CTNNA2: variants seen among roughly 807,000 people sequenced by gnomAD.
The protein encoded by CTNNA2 is catenin alpha 2, also known as catenin alpha-2.
CTNNA2 carries 42 observed loss-of-function variants against 101.0 expected under a neutral mutation model. That is an observed-to-expected ratio of 0.42 (90% CI 0.32 to 0.54). CTNNA2 has a LOEUF of 0.54. Ranked by LOEUF, CTNNA2 falls within the 20% of genes least tolerant of loss-of-function variation. CTNNA2 has a pLI of 0.14. For missense variants in CTNNA2, 871 were observed against 1,223.1 expected (o/e 0.71, Z 4.29); for synonymous variants, 450 against 456.4 (o/e 0.99, Z 0.18).
intron 7 of CTNNA2, among the ~76,000 whole-genome samples, chr2:80,177,385 A>C (rs148598455): frequency 6.6e-6 from 1 of 152,284 alleles, no homozygotes; most frequent in Non-Finnish European, 1.5e-5. Flanking sequence ...TAGTATACTC[A>C]ACCTGCCACC....
chr2:80,424,187 T>C (rs1680785939), intron 9 of CTNNA2, among the ~76,000 whole-genome samples: 1 of 152,038 alleles, frequency 6.6e-6, no homozygotes. Flanking sequence ...AACTCCTGAC[T>C]TTGTGATCTG....
intron 3 of CTNNA2, among the ~76,000 whole-genome samples, chr2:79,794,428 A>C (rs1675534882): frequency 6.6e-6 from 1 of 152,204 alleles, no homozygotes; most frequent in South Asian, 2.1e-4. Flanking sequence ...ACATATAAAA[A>C]GCTGTACATA....
intron 2 of CTNNA2, among the ~76,000 whole-genome samples, chr2:79,651,946 T>C (rs1681288026): frequency 6.6e-6 from 1 of 152,180 alleles, no homozygotes; most frequent in South Asian, 2.1e-4. Context: ...AAAGTCTAAA[T>C]AAACTATTCC....
intron 3 of CTNNA2, among the ~76,000 whole-genome samples, chr2:79,332,314 A>G (rs935620698): frequency 6.8e-6 from 1 of 147,052 alleles, no homozygotes; most frequent in African/African-American, 2.6e-5. Context: ...AAAAAAAAAA[A>G]AGACGATGGC....
At chr2:79,344,863 ATTATATT>A (rs1196682462) in intron 3 of CTNNA2, among the ~76,000 whole-genome samples, 78 of 144,918 alleles carry the variant, frequency 5.4e-4, no homozygotes, top group Admixed American at 1.4e-3. Flanking sequence ...TATATAATAT[ATTATATT>A]TATATATATA....
intron 4 of CTNNA2, among the ~76,000 whole-genome samples, chr2:79,382,418 C>G (rs1678049732): frequency 6.6e-6 from 1 of 151,978 alleles, no homozygotes; most frequent in South Asian, 2.1e-4. Context: ...GTGTATACAT[C>G]TTGTTTGTTC....
chr2:79,591,815 T>C (rs971016520), intron 1 of CTNNA2, among the ~76,000 whole-genome samples: 1 of 152,116 alleles, frequency 6.6e-6, no homozygotes, highest in African/African-American at 2.4e-5. Flanking sequence ...TTAATACATA[T>C]GTTCTCTTTT....
intron 15 of CTNNA2, among the ~76,000 whole-genome samples, chr2:80,589,905 T>TGTGTGCGC (rs1491383706): frequency 1.6e-4 from 18 of 114,498 alleles, no homozygotes; most frequent in African/African-American, 5.0e-4. Flanking sequence ...TGTGTGTGTG[T>TGTGTGCGC]GCGCGCGCGC....
intron 4 of CTNNA2, among the ~76,000 whole-genome samples, chr2:79,445,039 C>A (rs745653773): frequency 1.6e-4 from 24 of 152,232 alleles, no homozygotes; most frequent in Non-Finnish European, 2.9e-4. Context: ...AAGACATACA[C>A]TTTGCCAAAT....
chr2:79,442,166 TTATTA>T (rs1678784837), intron 4 of CTNNA2, among the ~76,000 whole-genome samples: 1 of 152,216 alleles, frequency 6.6e-6, no homozygotes, highest in African/African-American at 2.4e-5. Flanking sequence ...TTAATGTATT[TTATTA>T]TTTTATCCAA....
intron 4 of CTNNA2, among the ~76,000 whole-genome samples, chr2:79,454,305 A>G (rs1670789785): frequency 2.0e-5 from 3 of 152,314 alleles, no homozygotes; most frequent in South Asian, 4.1e-4. Flanking sequence ...ATAATTCACA[A>G]TATATGTAAT....
At chr2:80,298,400 C>A (rs768133915) in intron 7 of CTNNA2, 3 of 152,140 alleles carry the variant, frequency 2.0e-5, no homozygotes, top group Non-Finnish European at 4.4e-5. Flanking sequence ...TGATAATTTT[C>A]TCTGTGAGAG....
At chr2:79,857,626 C>T (rs1681241698) in intron 3 of CTNNA2, among the ~76,000 whole-genome samples, 1 of 152,104 alleles carries the variant, frequency 6.6e-6, no homozygotes. Context: ...CAATTTGTAC[C>T]TCGACTGTCA....
intron 1 of CTNNA2, among the ~76,000 whole-genome samples, chr2:79,557,010 C>G (rs1379474051): frequency 6.6e-6 from 1 of 151,914 alleles, no homozygotes; most frequent in Non-Finnish European, 1.5e-5. Context: ...ATTCTACAGC[C>G]TTTTTGGGCA....
chr2:80,106,139 A>G (rs1573096739), intron 7 of CTNNA2, among the ~76,000 whole-genome samples: 1 of 152,180 alleles, frequency 6.6e-6, no homozygotes, highest in East Asian at 1.9e-4. Flanking sequence ...TTGTATGTAG[A>G]GGTGGCATAT....
Position 80,302,942 on chromosome 2 carries a change from G to T in CTNNA2, c.1057-90269G>T. 3.1e-6 allele frequency: 5 copies of T among 1,614,024 alleles called. No individual in the cohort carries two copies. The highest frequency in any genetic ancestry group is 4.2e-6 in the Non-Finnish European group (5 of 1,180,008). ...GTTGAGGATCCGGGGCTCGATGTAG[G>T]TGAGGCGGTTGGAGTCCAGCTGCAG... On this transcript the variant is annotated intron_variant, in intron 7 of 18. Transcript: ENST00000402739. This position sits in a 1 kb window ranked among gnomAD's most constrained non-coding sequence, Gnocchi z 6.4.
At chr2:80,522,569 G>A (rs1367079378) in intron 9 of CTNNA2, among the ~76,000 whole-genome samples, 1 of 152,024 alleles carries the variant, frequency 6.6e-6, no homozygotes, top group Admixed American at 6.6e-5. Flanking sequence ...TTTTGTCCCC[G>A]CCCAAATCTC....
chr2:79,536,144 G>A (rs1037330825), intron 1 of CTNNA2, among the ~76,000 whole-genome samples: 1 of 152,186 alleles, frequency 6.6e-6, no homozygotes, highest in African/African-American at 2.4e-5. Flanking sequence ...TTACCAAAAA[G>A]TCAGAGATAT....
intron 2 of CTNNA2, among the ~76,000 whole-genome samples, chr2:79,665,875 A>G (rs1019136336): frequency 1.3e-5 from 2 of 152,184 alleles, no homozygotes; most frequent in Non-Finnish European, 2.9e-5. Flanking sequence ...CTTGAATATG[A>G]TGTTATTACC....
Sources: allele counts gnomAD v4.1 joint callset (sites outside exome capture counted in the v4.1 genomes callset), GRCh38; gene constraint gnomAD v4.1.1; non-coding constraint Gnocchi (gnomAD v3.1); transcripts MANE v1.5; gene names NCBI Gene and HGNC (gene_info 2026-07-23, HGNC 2026-07-21).